The following CSPP1 variants were observed in gnomAD, a reference collection of about 807,000 sequenced individuals.
CSPP1 encodes centrosome and spindle pole-associated protein 1.
CSPP1 carries 126 observed loss-of-function variants against 164.4 expected under a neutral mutation model. The observed-to-expected ratio is 0.77, with a 90% confidence interval of 0.66 to 0.89. The LOEUF is 0.89. CSPP1 is among the 40% of genes least tolerant of loss of function. The pLI is 0.00. For synonymous variants in CSPP1, 472 were observed against 476.7 expected (o/e 0.99, Z 0.13); for missense variants, 1,395 against 1,449.8 (o/e 0.96, Z 0.61).
chr8:67,093,358 C>T (rs1726213631), intron 5 of CSPP1, among the ~76,000 whole-genome samples, 185 bp from the exon 6 acceptor site: 1 of 152,176 alleles, frequency 6.6e-6, no homozygotes. Context: ...TATGTGTGTC[C>T]TCAAACCTCT....
intron 24 of CSPP1, among the ~76,000 whole-genome samples, chr8:67,172,204 C>T (rs769692792): frequency 6.8e-6 from 1 of 146,968 alleles, no homozygotes; most frequent in Non-Finnish European, 1.5e-5. Context: ...CTTTATAGGC[C>T]AGGCTGGTAT....
chr8:67,186,422 A>C (rs1197212079), intron 28 of CSPP1, among the ~76,000 whole-genome samples: 1 of 124,378 alleles, frequency 8.0e-6, no homozygotes, highest in Non-Finnish European at 1.6e-5. Flanking sequence ...TTAAATTAAA[A>C]AAAAAAAAAA....
At chr8:67,109,001 A>G (rs1406565913) in intron 9 of CSPP1, among the ~76,000 whole-genome samples, 1 of 152,136 alleles carries the variant, frequency 6.6e-6, no homozygotes, top group East Asian at 1.9e-4. Context: ...GGTCTTCTGT[A>G]TTGTTTGATC....
intron 28 of CSPP1, among the ~76,000 whole-genome samples, chr8:67,187,233 T>C (rs970289625): frequency 2.0e-5 from 3 of 152,216 alleles, no homozygotes; most frequent in African/African-American, 7.2e-5. Flanking sequence ...AAAGTTCATT[T>C]GGAAAGGCAA....
At chr8:67,178,827 G>A (rs1008814663) in intron 27 of CSPP1, among the ~76,000 whole-genome samples, 4 of 152,172 alleles carry the variant, frequency 2.6e-5, no homozygotes, top group African/African-American at 9.7e-5. Flanking sequence ...AGGGCCTTGG[G>A]GGCCATTCTG....
chr8:67,111,903 G>A (rs1162753317), intron 9 of CSPP1, 69 bp from the exon 10 acceptor site: 3 of 886,876 alleles, frequency 3.4e-6, no homozygotes, highest in African/African-American at 3.4e-5. Flanking sequence ...GAGTTTTTAA[G>A]GACTTAACTT....
chr8:67,116,256 CT>C (rs1360819266), intron 13 of CSPP1, 134 bp downstream of exon 13: 4 of 610,132 alleles, frequency 6.6e-6, no homozygotes, highest in Non-Finnish European at 1.1e-5. Flanking sequence ...GAAATAAATT[CT>C]CTTGAAATTT....
chr8:67,181,926 C>G (rs1833155347), intron 28 of CSPP1, among the ~76,000 whole-genome samples: 1 of 152,188 alleles, frequency 6.6e-6, no homozygotes, highest in Non-Finnish European at 1.5e-5. Flanking sequence ...CATACAGTAT[C>G]TATCCTTTGA....
chr8:67,123,625 T>C (rs1186104907), intron 15 of CSPP1, among the ~76,000 whole-genome samples: 3 of 151,322 alleles, frequency 2.0e-5, no homozygotes, highest in Non-Finnish European at 4.4e-5. Context: ...TTTTTTTTTT[T>C]AAGAGATAGG....
At position 67,113,812 on chromosome 8, in the gene CSPP1, G is replaced by T. The variant is rs1393837926; in HGVS notation, c.1195G>T (p.Asp399Tyr). 3.2e-6 allele frequency: 5 copies of T among 1,559,508 alleles called. No homozygotes were observed. Among genetic ancestry groups the T allele is most frequent in the East Asian group, 4.5e-5 (2 of 44,078 alleles). ...EQQRNKRREK[D>Y]LELRVAASGA... ...AACTTTAATTTTGTTTAGAGAAAAAGATTTAGAACTCAGGGTTGCAGCGTC... is the reference window on the plus strand; with the variant it reads ...AACTTTAATTTTGTTTAGAGAAAAATATTTAGAACTCAGGGTTGCAGCGTC... The change falls in exon 11 of 31, where the codon GAT (aspartate) becomes TAT (tyrosine). Residue 399 changes from aspartate (D) to tyrosine (Y), a missense_variant. Coordinates refer to ENST00000678616, the MANE Select transcript of CSPP1 (RefSeq NM_001382391.1).
intron 21 of CSPP1, among the ~76,000 whole-genome samples, chr8:67,160,072 A>G (rs1242476660): frequency 3.2e-5 from 4 of 123,686 alleles, no homozygotes; most frequent in Non-Finnish European, 5.0e-5. Flanking sequence ...TTAAGAGACC[A>G]GGTCTTGCTA....
At position 67,074,279 on chromosome 8, in the gene CSPP1, T is replaced by C. The variant is rs763887223; in HGVS notation, c.27T>C (p.Ile9=). The part of the protein sequence containing the change: MADNLDEF[I]EEQKARLAED... ...TGGCTGATAATTTGGATGAATTTAT[T>C]GAAGAGCAAAAAGCCAGATTGGCCG... The change falls in exon 2 of 31, where the codon ATT becomes ATC. Residue 9 remains isoleucine (I), a synonymous_variant. Coordinates refer to ENST00000678616, the MANE Select transcript of CSPP1 (RefSeq NM_001382391.1). 3.1e-6 allele frequency: 5 copies of C among 1,611,434 alleles called. No individual in the cohort carries two copies. Among genetic ancestry groups the C allele is most frequent in the Non-Finnish European group, 4.2e-6 (5 of 1,178,744 alleles).
chr8:67,076,437 G>GTT (rs372627483), intron 2 of CSPP1, 45 bp from the exon 3 acceptor site: 47 of 1,044,838 alleles, frequency 4.5e-5, no homozygotes, highest in Admixed American at 7.7e-5. Flanking sequence ...ATATTTCATG[G>GTT]TTTTTTTTTT....
intron 8 of CSPP1, among the ~76,000 whole-genome samples, chr8:67,104,461 A>G (rs1342062613): frequency 6.6e-6 from 1 of 151,734 alleles, no homozygotes; most frequent in Non-Finnish European, 1.5e-5. Flanking sequence ...TAGAGTCAGG[A>G]TCTCTGTTGT....
chr8:67,064,450 C>T lies in CSPP1; in HGVS notation c.-99C>T. 1 of 1,613,984 alleles carries T rather than the reference C, an allele frequency of 6.2e-7. No individual in the cohort carries two copies. The highest frequency in any genetic ancestry group is 2.2e-5 in the East Asian group (1 of 44,862). On this transcript the variant is annotated 5_prime_UTR_variant, in exon 1 of 31. Coordinates refer to ENST00000678616, the MANE Select transcript of CSPP1 (RefSeq NM_001382391.1). Reference sequence around the variant, plus strand: ...TGTAACCTCTTCGGTCCGCGACGATCCTCTAGAGCACTGTGTGTCTCCCCG... The same window carrying T: ...TGTAACCTCTTCGGTCCGCGACGATTCTCTAGAGCACTGTGTGTCTCCCCG...
intron 21 of CSPP1, among the ~76,000 whole-genome samples, chr8:67,161,075 C>G (rs1828252754): frequency 6.6e-6 from 1 of 152,108 alleles, no homozygotes; most frequent in Non-Finnish European, 1.5e-5. Context: ...TGCTTGGCCT[C>G]CCAAAGTGCT....
intron 3 of CSPP1, among the ~76,000 whole-genome samples, chr8:67,079,106 G>T (rs1808595420): frequency 6.6e-6 from 1 of 152,092 alleles, no homozygotes; most frequent in African/African-American, 2.4e-5. Flanking sequence ...TGTTACTTCG[G>T]CCTCTGACCT....
chr8:67,143,798 T>C (rs549112376), intron 17 of CSPP1, among the ~76,000 whole-genome samples: 6 of 152,328 alleles, frequency 3.9e-5, no homozygotes, highest in Admixed American at 3.9e-4. Flanking sequence ...CTACTGTCTG[T>C]AGTCTGTGTG....
intron 14 of CSPP1, 69 bp from the exon 15 acceptor site, chr8:67,118,674 G>A (rs1165497577): frequency 1.0e-5 from 11 of 1,080,888 alleles, no homozygotes; most frequent in Non-Finnish European, 1.4e-5. Flanking sequence ...TTTTCTGGAG[G>A]AATAAGTAAA....
Sources: allele counts gnomAD v4.1 joint callset (sites outside exome capture counted in the v4.1 genomes callset), GRCh38; gene constraint gnomAD v4.1.1; transcripts MANE v1.5; gene names NCBI Gene and HGNC (gene_info 2026-07-23, HGNC 2026-07-21).